The following FDCSP variants were observed in gnomAD, a reference collection of about 807,000 sequenced individuals.
FDCSP encodes follicular dendritic cell secreted protein, also known as follicular dendritic cell secreted peptide.
In FDCSP, 8 loss-of-function variants were observed where a neutral mutation model predicts 8.9. That is an observed-to-expected ratio of 0.90 (90% CI 0.53 to 1.63). The LOEUF is 1.63. FDCSP is among the 40% of genes most tolerant of loss of function. The pLI is 0.00. For synonymous variants in FDCSP, 34 were observed against 34.5 expected, an observed-to-expected ratio of 0.98 and a Z score of 0.06; for missense variants, 101 against 103.6, an observed-to-expected ratio of 0.98 and a Z score of 0.11.
At chr4:70,227,934 C>A (rs1237961763) in intron 1 of FDCSP, among the ~76,000 whole-genome samples, 1 of 151,824 alleles carries the variant, frequency 6.6e-6, no homozygotes, top group South Asian at 2.1e-4. Flanking sequence ...GGTGTAGGGT[C>A]TTGCCTTGAT....
At position 70,234,315 on chromosome 4, in the gene FDCSP, CCT is replaced by C; in HGVS notation, c.*28+101_*28+102del. ...ATGTTAACTATGTCCCTAGTTGGCC[CCT>C]TTCAGTTTCTGTTTGTTTTAATGTT... On this transcript the variant is annotated intron_variant, in intron 4 of 4. Transcript: ENST00000317987. 3 of 953,510 alleles carry C rather than the reference CCT, an allele frequency of 3.1e-6. No individual in the cohort carries two copies. The South Asian group carries it at 5.6e-5, about 18-fold the overall frequency. 59.1% of individuals were successfully genotyped at this position (953,510 alleles called of 1,614,324 possible). A position where few individuals can be genotyped will look rare whatever the true frequency, so the allele number is the denominator to read the frequency against.
At chr4:70,226,988 T>A (rs574225190) in intron 1 of FDCSP, among the ~76,000 whole-genome samples, 2 of 152,076 alleles carry the variant, frequency 1.3e-5, no homozygotes, top group African/African-American at 4.8e-5. Context: ...AACTATTTTC[T>A]CAACCTGCCT....
chr4:70,234,120 T>C lies in FDCSP; in HGVS notation c.191T>C (p.Phe64Ser). The C allele has an allele frequency of 6.2e-7, 1 of 1,611,516 alleles. No homozygotes were observed. The highest frequency in any genetic ancestry group is 8.5e-7 in the Non-Finnish European group (1 of 1,178,386). ...ATTCCATTTCCAAGATTTCCATGGT[T>C]TAGACGTAATTTTCCTATTCCAATA... Reference protein sequence around the residue: ...PPIPFPRFPWFRRNFPIPIPE... With the variant: ...PPIPFPRFPWSRRNFPIPIPE... The change falls in exon 4 of 5, where the codon TTT becomes TCT. Residue 64 changes from phenylalanine (F) to serine (S), a missense_variant. Phe to Ser is a radical substitution (Grantham distance 155). Transcript: ENST00000317987.
At chr4:70,234,703 T>C (rs1276432668) in intron 4 of FDCSP, among the ~76,000 whole-genome samples, 4 of 151,502 alleles carry the variant, frequency 2.6e-5, no homozygotes, top group African/African-American at 9.7e-5. Context: ...ATGCTTCACC[T>C]ATAACAGTGG....
intron 3 of FDCSP, among the ~76,000 whole-genome samples, chr4:70,233,615 A>C: frequency 6.6e-6 from 1 of 151,748 alleles, no homozygotes; most frequent in South Asian, 2.1e-4. Context: ...ATAGAGACAC[A>C]AACAGATAAT....
At chr4:70,229,384 G>A (rs978673885) in intron 1 of FDCSP, among the ~76,000 whole-genome samples, 5 of 151,716 alleles carry the variant, frequency 3.3e-5, no homozygotes, top group Admixed American at 1.3e-4. Context: ...AGACTCTTTC[G>A]CTTTCTTGTC....
At chr4:70,234,475 AT>A (rs1348213575) in intron 4 of FDCSP, among the ~76,000 whole-genome samples, 3 of 151,632 alleles carry the variant, frequency 2.0e-5, no homozygotes, top group African/African-American at 7.3e-5. Flanking sequence ...TTATTAAAAT[AT>A]TGTTTACAAA....
intron 1 of FDCSP, among the ~76,000 whole-genome samples, chr4:70,230,798 C>T (rs1730067422): frequency 6.6e-6 from 1 of 151,634 alleles, no homozygotes. Flanking sequence ...CTGTATAAAC[C>T]AATGCATTAT....
At chr4:70,228,619 C>T (rs1222059414) in intron 1 of FDCSP, among the ~76,000 whole-genome samples, 1 of 151,760 alleles carries the variant, frequency 6.6e-6, no homozygotes, top group Non-Finnish European at 1.5e-5. Context: ...TATAGCCTTA[C>T]AAAATGTATT....
Position 70,234,076 on chromosome 4 carries a change from A to G in FDCSP, c.147A>G (p.Pro49=), listed in dbSNP as rs749108616. Reference sequence around the variant, plus strand: ...TTTTTGTGTTCCCTTACCCATATCCATTTCGCCCACTTCCACCAATTCCAT... The same window carrying G: ...TTTTTGTGTTCCCTTACCCATATCCGTTTCGCCCACTTCCACCAATTCCAT... ...SGFFVFPYPY[P]FRPLPPIPFP... is the part of the protein sequence containing the mutation. Residue 49 remains proline, a synonymous_variant, in exon 4 of 5, where the codon CCA becomes CCG. Coordinates refer to ENST00000317987, the MANE Select transcript of FDCSP (RefSeq NM_152997.4). 5 of 1,610,928 alleles carry G rather than the reference A, an allele frequency of 3.1e-6. No homozygotes were observed. The Admixed American group carries it at 6.7e-5, about 22-fold the overall frequency.
chr4:70,233,130 A>G (rs1466628348), intron 3 of FDCSP, 104 bp downstream of exon 3: 16 of 991,156 alleles, frequency 1.6e-5, no homozygotes, highest in Non-Finnish European at 2.1e-5. Flanking sequence ...CTGTGGAGAG[A>G]TTCATAAAGA....
chr4:70,226,778 A>G (rs557816863), intron 1 of FDCSP, among the ~76,000 whole-genome samples: 42 of 152,006 alleles, frequency 2.8e-4, no homozygotes, highest in African/African-American at 9.4e-4. Flanking sequence ...ATAAACTGCT[A>G]TGGGTATCAT....
chr4:70,228,349 T>C (rs2109683482), intron 1 of FDCSP, among the ~76,000 whole-genome samples: 1 of 151,954 alleles, frequency 6.6e-6, no homozygotes, highest in Middle Eastern at 3.4e-3. Context: ...AGTCACATGT[T>C]CAAGCTTCAC....
intron 3 of FDCSP, 21 bp downstream of exon 3, chr4:70,233,047 T>TTTACGTGTAAAAC: frequency 6.3e-7 from 1 of 1,584,528 alleles, no homozygotes; most frequent in Non-Finnish European, 8.6e-7. Context: ...TTTTCTCTTT[T>TTTACGTGTAAAAC]TTACATGTAA....
intron 1 of FDCSP, among the ~76,000 whole-genome samples, chr4:70,227,704 T>C (rs1455631585): frequency 6.6e-6 from 1 of 151,758 alleles, no homozygotes; most frequent in Non-Finnish European, 1.5e-5. Flanking sequence ...GGTTCAGTTC[T>C]TGACCACCAC....
chr4:70,234,167 C>A lies in FDCSP; in HGVS notation c.238C>A (p.Pro80Thr), dbSNP rs200573552. 2 of 1,609,826 alleles carry A rather than the reference C, an allele frequency of 1.2e-6. No homozygotes were observed. Among genetic ancestry groups the A allele is most frequent in the Admixed American group, 1.7e-5 (1 of 59,554 alleles). The change falls in exon 4 of 5, where the codon CCC becomes ACC. Residue 80 changes from proline to threonine, a missense_variant. Coordinates refer to ENST00000317987, the MANE Select transcript of FDCSP (RefSeq NM_152997.4). ...AATACCTGAATCTGCCCCTACAACT[C>A]CCCTTCCTAGCGAAAAGTAAACAAG... ...IPIPESAPTT[P>T]LPSEK
At chr4:70,232,476 C>T (rs576389723) in intron 2 of FDCSP, among the ~76,000 whole-genome samples, 1 of 151,662 alleles carries the variant, frequency 6.6e-6, no homozygotes, top group East Asian at 1.9e-4. Flanking sequence ...TACTGTCTAG[C>T]TTAGTTATGT....
chr4:70,232,885 A>C lies in FDCSP; in HGVS notation c.58-109A>C, dbSNP rs1730110158. Reference sequence around the variant, plus strand: ...AGACAAATTATGGGTATTTTAAAAAATGGTTATTATGAAACAATATTAGGT... The same window carrying C: ...AGACAAATTATGGGTATTTTAAAAACTGGTTATTATGAAACAATATTAGGT... On this transcript the variant is annotated intron_variant, in intron 2 of 4. Transcript: ENST00000317987. The C allele has an allele frequency of 8.4e-6, 8 of 955,114 alleles. No homozygotes were observed. In the South Asian group the frequency reaches 1.2e-4, roughly 15 times the overall value. 59.2% of individuals were successfully genotyped at this position (955,114 alleles called of 1,614,324 possible). A position where few individuals can be genotyped will look rare whatever the true frequency, so the allele number is the denominator to read the frequency against.
chr4:70,228,840 C>T (rs1035177848), intron 1 of FDCSP, among the ~76,000 whole-genome samples: 1 of 151,722 alleles, frequency 6.6e-6, no homozygotes, highest in Non-Finnish European at 1.5e-5. Flanking sequence ...GTAAACCATG[C>T]TGTGTTAGAT....
Sources: gnomAD v4.1 joint callset for allele counts (sites outside exome capture counted in the v4.1 genomes callset) on GRCh38, gnomAD v4.1.1 for gene constraint, MANE v1.5 for transcripts, NCBI Gene and HGNC (gene_info 2026-07-23, HGNC 2026-07-21) for gene names.